Variants in NPLOC4 observed in about 807,000 individuals in gnomAD.
NPLOC4 encodes the protein nuclear protein localization protein 4 homolog.
NPLOC4 carries 18 observed loss-of-function variants against 80.6 expected under a neutral mutation model. That is an observed-to-expected ratio of 0.22 (90% CI 0.15 to 0.33). The LOEUF is 0.33. Among genes scored for constraint, NPLOC4 ranks in the 10% least tolerant of loss-of-function variants. NPLOC4 has a pLI of 1.00. For missense variants in NPLOC4, 540 were observed against 786.1 expected, an observed-to-expected ratio of 0.69 and a Z score of 3.74; for synonymous variants, 313 against 301.5, an observed-to-expected ratio of 1.04 and a Z score of -0.39.
In NPLOC4 at chr17:81,565,564, T is replaced by C. The variant is rs2033985297; in HGVS notation, c.1610A>G (p.Glu537Gly). 1.9e-6 allele frequency: 3 copies of C among 1,556,162 alleles called. No individual in the cohort carries two copies. The highest frequency in any genetic ancestry group is 2.6e-6 in the Non-Finnish European group (3 of 1,150,634). Residue 537 changes from glutamate to glycine, a missense_variant, in exon 16 of 17, where the codon GAG becomes GGG. This residue lies in a region of NPLOC4 where 251 missense variants were observed against 377.5 expected (regional missense o/e 0.66). Transcript: ENST00000331134. ...LLLEAVRTRN[E>G]ELAQTWKRSE... is the part of the protein sequence containing the mutation. The stretch of plus-strand genomic sequence containing the variant: ...CCTCTTCCATGTCTGGGCGAGCTCC[T>C]CATTTCTGGTCCGCACGGCCTCCAG...
intron 2 of NPLOC4, among the ~76,000 whole-genome samples, chr17:81,623,148 C>T (rs996696781): frequency 4.7e-5 from 7 of 150,176 alleles, no homozygotes; most frequent in African/African-American, 4.9e-5. Flanking sequence ...GAGCCGAGAT[C>T]GTGCTATTCC....
At chr17:81,589,130 A>T in intron 11 of NPLOC4, 26 bp from the exon 12 acceptor site, 1 of 1,602,010 alleles carries the variant, frequency 6.2e-7, no homozygotes, top group Non-Finnish European at 8.5e-7. Context: ...CTTTAAAAAG[A>T]GTCTACCAAA....
intron 5 of NPLOC4, among the ~76,000 whole-genome samples, chr17:81,609,827 C>G (rs1264016142): frequency 6.6e-6 from 1 of 152,194 alleles, no homozygotes; most frequent in Non-Finnish European, 1.5e-5. Flanking sequence ...AACTCTCAGT[C>G]TCACCAGGAC....
intron 3 of NPLOC4, among the ~76,000 whole-genome samples, chr17:81,618,698 G>A (rs1030912258): frequency 1.3e-5 from 2 of 151,716 alleles, no homozygotes; most frequent in African/African-American, 4.8e-5. Context: ...CCCCGTCTGG[G>A]AGGTGTACCC....
chr17:81,594,593 G>C (rs1257321722), intron 11 of NPLOC4, among the ~76,000 whole-genome samples: 2 of 151,916 alleles, frequency 1.3e-5, no homozygotes, highest in African/African-American at 2.4e-5. Context: ...GGCTAGCATG[G>C]TGAAACCCCA....
At chr17:81,615,125 A>G in intron 3 of NPLOC4, among the ~76,000 whole-genome samples, 1 of 131,818 alleles carries the variant, frequency 7.6e-6, no homozygotes, top group Non-Finnish European at 1.6e-5. Flanking sequence ...TTTGAGACAG[A>G]GTCTTGCTCT....
chr17:81,597,141 C>A (rs532211482), intron 10 of NPLOC4, 104 bp downstream of exon 10: 3 of 781,046 alleles, frequency 3.8e-6, no homozygotes, highest in Non-Finnish European at 4.4e-6. Flanking sequence ...AATAATGGGG[C>A]CTGAAAGCTA....
chr17:81,611,462 G>A (rs968318261), intron 4 of NPLOC4, among the ~76,000 whole-genome samples: 4 of 151,244 alleles, frequency 2.6e-5, no homozygotes, highest in Non-Finnish European at 4.4e-5. Context: ...CGATTCTCCT[G>A]TCTCAGCCTC....
intron 11 of NPLOC4, among the ~76,000 whole-genome samples, chr17:81,593,063 G>C (rs1055664401): frequency 6.6e-6 from 1 of 152,118 alleles, no homozygotes; most frequent in African/African-American, 2.4e-5. Flanking sequence ...AAATACTGTG[G>C]AACTGTTCCA....
chr17:81,597,386 C>A, intron 9 of NPLOC4, 70 bp from the exon 10 acceptor site: 2 of 1,233,528 alleles, frequency 1.6e-6, no homozygotes, highest in Admixed American at 1.7e-5. Flanking sequence ...CGCAGTGACT[C>A]ACGCCTATAA....
intron 15 of NPLOC4, among the ~76,000 whole-genome samples, chr17:81,566,055 T>C (rs948301607): frequency 6.6e-6 from 1 of 152,198 alleles, no homozygotes. Flanking sequence ...GCATTAAGGA[T>C]GGGCGCAGTG....
rs2034047539 is a variant in NPLOC4, at chr17:81,567,621, T to TCAATA, written c.1450-93_1450-89dup. The TCAATA allele has an allele frequency of 2.7e-6, 2 of 753,766 alleles. No individual in the cohort carries two copies. Among genetic ancestry groups the TCAATA allele is most frequent in the Non-Finnish European group, 4.6e-6 (2 of 433,990 alleles). 46.7% of individuals were successfully genotyped at this position (753,766 alleles called of 1,614,324 possible). A position where few individuals can be genotyped will look rare whatever the true frequency, so the allele number is the denominator to read the frequency against. ...GAGCTGTTTCCTACTAAGACGCAAC[T>TCAATA]CAATACACTGAATGCTGAGACACCT... is the stretch of plus-strand genomic sequence containing the variant. On this transcript the variant is annotated intron_variant, in intron 14 of 16. Transcript: ENST00000331134. This position sits in a 1 kb window ranked among gnomAD's most constrained non-coding sequence, Gnocchi z 4.5.
At chr17:81,561,646 A>C (rs926097970) in intron 16 of NPLOC4, 14 of 152,124 alleles carry the variant, frequency 9.2e-5, no homozygotes, top group Non-Finnish European at 1.8e-4. Flanking sequence ...GGAGTGGTAT[A>C]ATCATGGCTC....
chr17:81,619,696 C>T (rs574327541), intron 3 of NPLOC4, among the ~76,000 whole-genome samples: 6 of 151,656 alleles, frequency 4.0e-5, no homozygotes, highest in Non-Finnish European at 8.8e-5. Context: ...CTGGCCAACA[C>T]GGTGAAACCC....
intron 12 of NPLOC4, among the ~76,000 whole-genome samples, chr17:81,576,418 AG>A (rs1348470084): frequency 6.6e-6 from 1 of 152,092 alleles, no homozygotes; most frequent in Non-Finnish European, 1.5e-5. Flanking sequence ...ATGTATACGG[AG>A]GTCTAACTTT....
At chr17:81,625,893 A>C (rs963006331) in intron 2 of NPLOC4, among the ~76,000 whole-genome samples, 1 of 152,214 alleles carries the variant, frequency 6.6e-6, no homozygotes, top group Non-Finnish European at 1.5e-5. Context: ...TCAAGCCTGT[A>C]ATCCCAACAC....
intron 1 of NPLOC4, among the ~76,000 whole-genome samples, chr17:81,634,117 C>G (rs891740131): frequency 6.6e-6 from 1 of 151,870 alleles, no homozygotes; most frequent in African/African-American, 2.4e-5. Flanking sequence ...GGCAATCCAC[C>G]TGCCTCGGCC....
intron 1 of NPLOC4, among the ~76,000 whole-genome samples, chr17:81,631,100 G>A (rs547616869): frequency 3.2e-4 from 49 of 152,126 alleles, no homozygotes; most frequent in African/African-American, 7.0e-4. Flanking sequence ...TTGAACCCAG[G>A]AGGCAGAGGT....
chr17:81,569,701 C>T (rs1259030806), intron 13 of NPLOC4, among the ~76,000 whole-genome samples: 2 of 152,202 alleles, frequency 1.3e-5, no homozygotes, highest in Non-Finnish European at 2.9e-5. Flanking sequence ...TTGAGGAACA[C>T]AGGGTTCAGC....
Sources: allele counts gnomAD v4.1 joint callset (sites outside exome capture counted in the v4.1 genomes callset), GRCh38; gene constraint gnomAD v4.1.1; regional missense constraint gnomAD v4.1.1; non-coding constraint Gnocchi (gnomAD v3.1); transcripts MANE v1.5; gene names NCBI Gene and HGNC (gene_info 2026-07-23, HGNC 2026-07-21).